Variants in TMEM132D observed in about 807,000 individuals in gnomAD.
TMEM132D encodes mature OL transmembrane protein.
A neutral mutation model predicts 62.3 loss-of-function variants in TMEM132D; 21 were observed. The observed-to-expected ratio is 0.34, with a 90% confidence interval of 0.24 to 0.49. The LOEUF (loss-of-function observed/expected upper bound fraction) is 0.49. Among genes scored for constraint, TMEM132D ranks in the 20% least tolerant of loss-of-function variants. TMEM132D has a pLI of 0.99. For synonymous variants in TMEM132D, 621 were observed against 575.6 expected (o/e 1.08, Z -1.13); for missense variants, 1,346 against 1,402.8 (o/e 0.96, Z 0.65).
chr12:129,807,620 AGAGAC>A (rs1377134919), intron 1 of TMEM132D, among the ~76,000 whole-genome samples: 2 of 152,228 alleles, frequency 1.3e-5, no homozygotes, highest in Non-Finnish European at 2.9e-5. Context: ...TGCAAAGTTA[AGAGAC>A]GATGCGTTGA....
intron 4 of TMEM132D, among the ~76,000 whole-genome samples, chr12:129,336,527 G>T (rs1257992427): frequency 6.6e-6 from 1 of 151,526 alleles, no homozygotes; most frequent in South Asian, 2.1e-4. Flanking sequence ...AGCCAAGATC[G>T]CACCACCGCA....
intron 2 of TMEM132D, among the ~76,000 whole-genome samples, chr12:129,551,606 T>A (rs1022574186): frequency 6.6e-6 from 1 of 152,188 alleles, no homozygotes; most frequent in South Asian, 2.1e-4. Context: ...ATAGCGCCAA[T>A]CAGTTGGGGC....
chr12:129,828,432 T>C (rs764307199), intron 1 of TMEM132D, among the ~76,000 whole-genome samples: 8 of 152,002 alleles, frequency 5.3e-5, no homozygotes, highest in Non-Finnish European at 1.2e-4. Context: ...TTAACAATTC[T>C]GATTTATCCA....
chr12:129,230,315 G>GA (rs1197229209), intron 4 of TMEM132D, among the ~76,000 whole-genome samples: 2 of 150,452 alleles, frequency 1.3e-5, no homozygotes, highest in African/African-American at 4.9e-5. Flanking sequence ...GGAGGGGGGG[G>GA]GCTCCCCAGC....
At chr12:129,802,085 G>A (rs1287294503) in intron 1 of TMEM132D, among the ~76,000 whole-genome samples, 12 of 149,868 alleles carry the variant, frequency 8.0e-5, no homozygotes, top group Non-Finnish European at 1.5e-4. Flanking sequence ...AAGTGATGGG[G>A]AGAATGGAAC....
Position 129,867,326 on chromosome 12 carries a change from C to T in TMEM132D, c.79+35935G>A, listed in dbSNP as rs551674300. 1.3e-5 allele frequency among the ~76,000 whole-genome samples: 2 copies of T among 152,006 alleles called. No individual in the cohort carries two copies. The highest frequency in any genetic ancestry group is 2.4e-5 in the African/African-American group (1 of 41,468). On this transcript the variant is annotated intron_variant, in intron 1 of 8. Transcript: ENST00000422113. The surrounding 1 kb of genome is among the most constrained non-coding windows in gnomAD (Gnocchi z 4.5). The stretch of plus-strand genomic sequence containing the variant: ...AATATATACATGACACTGAAAGACA[C>T]GAAGTTAAGTGAAATAAGCCAGGCA...
At chr12:129,864,543 T>C (rs376830325) in intron 1 of TMEM132D, among the ~76,000 whole-genome samples, 111 of 152,120 alleles carry the variant, frequency 7.3e-4, no homozygotes, top group African/African-American at 2.6e-3. Context: ...GAACCTGAAG[T>C]TTGGAGGATG....
chr12:129,646,974 ATT>A (rs1334738019), intron 2 of TMEM132D, among the ~76,000 whole-genome samples: 1 of 151,576 alleles, frequency 6.6e-6, no homozygotes, highest in African/African-American at 2.4e-5. Flanking sequence ...AATTTTTTGT[ATT>A]TTTAGTAGAG....
At chr12:129,754,875 G>T (rs1870115204) in intron 1 of TMEM132D, among the ~76,000 whole-genome samples, 1 of 152,172 alleles carries the variant, frequency 6.6e-6, no homozygotes, top group African/African-American at 2.4e-5. Context: ...GAGGCATCTT[G>T]TGTTATCTTT....
chr12:129,150,193 A>C (rs899573115), intron 5 of TMEM132D, among the ~76,000 whole-genome samples: 6 of 152,178 alleles, frequency 3.9e-5, no homozygotes, highest in African/African-American at 1.4e-4. Context: ...TATATTACAA[A>C]GCCATCTACT....
At chr12:129,656,292 A>G (rs11060484) in intron 2 of TMEM132D, among the ~76,000 whole-genome samples, 13 of 150,416 alleles carry the variant, frequency 8.6e-5, no homozygotes, top group Non-Finnish European at 1.6e-4. Flanking sequence ...AGGGAAGAGA[A>G]GGAAGGAGAG....
At chr12:129,768,607 T>A (rs933383274) in intron 1 of TMEM132D, among the ~76,000 whole-genome samples, 4 of 152,120 alleles carry the variant, frequency 2.6e-5, no homozygotes, top group African/African-American at 7.2e-5. Context: ...GGGGCTGAGT[T>A]ATACATCATC....
chr12:129,677,626 A>C (rs1178966983), intron 2 of TMEM132D, among the ~76,000 whole-genome samples: 2 of 152,224 alleles, frequency 1.3e-5, no homozygotes, highest in Non-Finnish European at 2.9e-5. Flanking sequence ...AAGAACACAC[A>C]TACGTATATA....
intron 1 of TMEM132D, among the ~76,000 whole-genome samples, chr12:129,740,737 T>C (rs959159625): frequency 8.5e-5 from 13 of 152,078 alleles, no homozygotes; most frequent in African/African-American, 2.4e-4. Flanking sequence ...TTGGTACCTA[T>C]TGAAAAAAAA....
Position 129,092,350 on chromosome 12 carries a change from TTCTG to T in TMEM132D, c.1444-7652_1444-7649del, listed in dbSNP as rs200426949. 7.0e-3 allele frequency among the ~76,000 whole-genome samples: 995 copies of T among 142,900 alleles called. 4 individuals are homozygous for T. The highest frequency in any genetic ancestry group is 0.024 in the African/African-American group (929 of 38,894). The allele number at this position is 142,900 out of a possible 152,430, so 93.7% of individuals were successfully genotyped here. A position where few individuals can be genotyped will look rare whatever the true frequency, so the allele number is the denominator to read the frequency against. Reference sequence around the variant, plus strand: ...AGAGCTACAGCTACAGTTGTTGAAATTCTGTCTTTTTTTCCCCTCAAACTTTGCA... The same window carrying T: ...AGAGCTACAGCTACAGTTGTTGAAATTCTTTTTTTCCCCTCAAACTTTGCA... On this transcript the variant is annotated intron_variant, in intron 5 of 8. Transcript: ENST00000422113.
chr12:129,091,587 C>G (rs142175471), intron 5 of TMEM132D, among the ~76,000 whole-genome samples: 22 of 151,840 alleles, frequency 1.4e-4, no homozygotes, highest in Non-Finnish European at 2.8e-4. Context: ...CCTATCCTCA[C>G]CTGGGCTCTG....
intron 3 of TMEM132D, among the ~76,000 whole-genome samples, chr12:129,453,924 G>A (rs1192034835): frequency 2.0e-5 from 3 of 152,302 alleles, no homozygotes; most frequent in South Asian, 4.1e-4. Flanking sequence ...CTTGTTTAGT[G>A]GCAGTTATCC....
chr12:129,563,441 G>C (rs952689219), intron 2 of TMEM132D, among the ~76,000 whole-genome samples: 1 of 152,108 alleles, frequency 6.6e-6, no homozygotes, highest in African/African-American at 2.4e-5. Context: ...CTCTTTCTTT[G>C]ATCTCCTTCT....
chr12:129,884,947 A>G (rs961911617), intron 1 of TMEM132D, among the ~76,000 whole-genome samples: 4 of 152,266 alleles, frequency 2.6e-5, no homozygotes, highest in Non-Finnish European at 4.4e-5. Flanking sequence ...AGTAATAAAA[A>G]GAAATGAACT....
Sources: gnomAD v4.1 joint callset for allele counts (sites outside exome capture counted in the v4.1 genomes callset) on GRCh38, gnomAD v4.1.1 for gene constraint, Gnocchi (gnomAD v3.1) non-coding constraint, MANE v1.5 for transcripts, NCBI Gene and HGNC (gene_info 2026-07-23, HGNC 2026-07-21) for gene names.